Variants in MKLN1 observed in about 807,000 individuals in gnomAD.
MKLN1 encodes muskelin.
Under a neutral mutation model 99.0 loss-of-function variants are expected in MKLN1, and 18 were observed. The ratio of observed to expected loss-of-function variants is 0.18; its 90% confidence interval spans 0.13 to 0.27. The LOEUF (loss-of-function observed/expected upper bound fraction) is 0.27, where lower values mean the gene tolerates loss of function less well. MKLN1 is among the 10% of genes least tolerant of loss of function. The probability of loss-of-function intolerance (pLI) is 1.00; values close to 1 mark genes in which losing one functional copy is unlikely to be tolerated. For synonymous variants in MKLN1, 288 were observed against 293.2 expected (o/e 0.98, Z 0.18); for missense variants, 621 against 875.9 (o/e 0.71, Z 3.67).
chr7:131,284,841 G>T (rs960854031), intron 3 of MKLN1, among the ~76,000 whole-genome samples: 2 of 152,216 alleles, frequency 1.3e-5, no homozygotes, highest in Non-Finnish European at 2.9e-5. Flanking sequence ...TGAGAAGCAA[G>T]TGAGGGGAAT....
intron 8 of MKLN1, among the ~76,000 whole-genome samples, chr7:131,418,642 G>T (rs1563338517): frequency 6.6e-6 from 1 of 152,244 alleles, no homozygotes; most frequent in Non-Finnish European, 1.5e-5. Flanking sequence ...AGTAGAGCCA[G>T]CAGGATGGCA....
intron 9 of MKLN1, among the ~76,000 whole-genome samples, chr7:131,430,866 T>C (rs1374976746): frequency 6.6e-6 from 1 of 152,166 alleles, no homozygotes; most frequent in Non-Finnish European, 1.5e-5. Flanking sequence ...AGGTGGAGAC[T>C]GCAGTGAGCC....
intron 3 of MKLN1, among the ~76,000 whole-genome samples, chr7:131,229,090 A>T (rs1797201046): frequency 6.6e-6 from 1 of 152,144 alleles, no homozygotes; most frequent in South Asian, 2.1e-4. Context: ...CAGCCCAAAA[A>T]GGTGTGACAT....
intron 3 of MKLN1, among the ~76,000 whole-genome samples, chr7:131,291,654 T>C (rs1446821094): frequency 6.7e-6 from 1 of 149,936 alleles, no homozygotes; most frequent in Non-Finnish European, 1.5e-5. Flanking sequence ...GTTTTCATTA[T>C]GGCTGTACTT....
At chr7:131,201,682 C>T (rs190368815) in intron 2 of MKLN1, among the ~76,000 whole-genome samples, 2 of 152,282 alleles carry the variant, frequency 1.3e-5, no homozygotes, top group South Asian at 2.1e-4. Flanking sequence ...TCACATAATG[C>T]TATTTGATTC....
At chr7:131,476,948 G>T (rs1287722360) in intron 16 of MKLN1, among the ~76,000 whole-genome samples, 2 of 152,162 alleles carry the variant, frequency 1.3e-5, no homozygotes, top group African/African-American at 2.4e-5. Flanking sequence ...GTGGTCAGTT[G>T]TTTTTTGACC....
At chr7:131,203,538 G>C (rs963128932) in intron 3 of MKLN1, among the ~76,000 whole-genome samples, 29 of 152,162 alleles carry the variant, frequency 1.9e-4, no homozygotes, top group Non-Finnish European at 3.7e-4. Flanking sequence ...TTCCACATTT[G>C]GGAAAACATG....
intron 2 of MKLN1, among the ~76,000 whole-genome samples, chr7:131,196,899 C>T (rs1796654794): frequency 6.6e-6 from 1 of 152,114 alleles, no homozygotes; most frequent in South Asian, 2.1e-4. Context: ...TATACATATA[C>T]ACCCCTCTCC....
Position 131,399,478 on chromosome 7 carries a change from G to A in MKLN1, c.703+45G>A, listed in dbSNP as rs199910194. 1.6e-3 allele frequency: 2,429 copies of A among 1,518,356 alleles called. 8 individuals are homozygous for A. Among genetic ancestry groups the A allele is most frequent in the South Asian group, 4.7e-3 (390 of 83,798 alleles). 94.1% of individuals were successfully genotyped at this position (1,518,356 alleles called of 1,614,324 possible). A position where few individuals can be genotyped will look rare whatever the true frequency, so the allele number is the denominator to read the frequency against. On this transcript the variant is annotated intron_variant, in intron 6 of 17. Coordinates refer to ENST00000352689, the MANE Select transcript of MKLN1 (RefSeq NM_013255.5). ...TATTAGGGTAAATTCAAGTACATAC[G>A]GGAAACTTTTTCTCAAAAATAATAT...
chr7:131,463,775 A>C (rs1445702107), intron 13 of MKLN1, among the ~76,000 whole-genome samples: 1 of 152,182 alleles, frequency 6.6e-6, no homozygotes, highest in Non-Finnish European at 1.5e-5. Flanking sequence ...AGAGCATCCC[A>C]CAGAACTGGT....
intron 4 of MKLN1, among the ~76,000 whole-genome samples, chr7:131,392,928 G>A (rs1432915252): frequency 6.6e-6 from 1 of 150,812 alleles, no homozygotes; most frequent in African/African-American, 2.4e-5. Context: ...TTTTTTAAGA[G>A]GCAGAGTCTT....
chr7:131,156,738 T>G (rs1584796920), intron 2 of MKLN1, among the ~76,000 whole-genome samples: 1 of 152,210 alleles, frequency 6.6e-6, no homozygotes, highest in African/African-American at 2.4e-5. Context: ...TTTTGTTATT[T>G]TCAACCTACG....
intron 1 of MKLN1, among the ~76,000 whole-genome samples, chr7:131,333,912 T>C (rs1393421157): frequency 6.6e-6 from 1 of 152,206 alleles, no homozygotes; most frequent in East Asian, 1.9e-4. Context: ...ATTTTCCTTC[T>C]ATCTGTGTAG....
At chr7:131,248,111 A>C (rs886291572) in intron 3 of MKLN1, among the ~76,000 whole-genome samples, 1 of 151,894 alleles carries the variant, frequency 6.6e-6, no homozygotes, top group Non-Finnish European at 1.5e-5. Context: ...ATTTTTGTAG[A>C]TATGAGGCTT....
chr7:131,284,303 T>A (rs1199688330), intron 3 of MKLN1, among the ~76,000 whole-genome samples: 3 of 152,354 alleles, frequency 2.0e-5, no homozygotes, highest in South Asian at 4.1e-4. Flanking sequence ...TCAAGTTTTT[T>A]AAAAATACAC....
intron 3 of MKLN1, among the ~76,000 whole-genome samples, chr7:131,242,300 C>T (rs1797416481): frequency 6.6e-6 from 1 of 152,142 alleles, no homozygotes; most frequent in Admixed American, 6.5e-5. Flanking sequence ...ATTTGGGAGG[C>T]TAAAGCAGGA....
chr7:131,219,142 A>G (rs1745744959), intron 3 of MKLN1, among the ~76,000 whole-genome samples: 1 of 152,162 alleles, frequency 6.6e-6, no homozygotes, highest in Non-Finnish European at 1.5e-5. Context: ...AACAATGTGA[A>G]CACACTTAAC....
chr7:131,183,572 A>C (rs1796405458), intron 2 of MKLN1, among the ~76,000 whole-genome samples: 1 of 152,212 alleles, frequency 6.6e-6, no homozygotes, highest in Non-Finnish European at 1.5e-5. Flanking sequence ...ATTAAGTGTT[A>C]AACCGTATGA....
intron 12 of MKLN1, among the ~76,000 whole-genome samples, chr7:131,450,674 A>G (rs767299267): frequency 3.3e-5 from 5 of 152,162 alleles, no homozygotes; most frequent in African/African-American, 7.2e-5. Context: ...TGCCCATGCT[A>G]TTCCTCCTAC....
Sources: allele counts gnomAD v4.1 joint callset (sites outside exome capture counted in the v4.1 genomes callset), GRCh38; gene constraint gnomAD v4.1.1; transcripts MANE v1.5; gene names NCBI Gene and HGNC (gene_info 2026-07-23, HGNC 2026-07-21).